ZNF608: variants seen among roughly 807,000 people sequenced by gnomAD.
ZNF608 encodes the protein renal carcinoma antigen NY-REN-36.
A neutral mutation model predicts 109.0 loss-of-function variants in ZNF608; 12 were observed. That is an observed-to-expected ratio of 0.11 (90% CI 0.07 to 0.18). The LOEUF (loss-of-function observed/expected upper bound fraction) is 0.18, where lower values mean the gene tolerates loss of function less well. ZNF608 is among the 10% of genes least tolerant of loss of function. ZNF608 has a pLI of 1.00. For missense variants in ZNF608, 1,707 were observed against 1,879.3 expected (o/e 0.91, Z 1.70); for synonymous variants, 732 against 717.4 (o/e 1.02, Z -0.33).
chr5:124,718,310 TA>T (rs950908289), intron 2 of ZNF608, among the ~76,000 whole-genome samples: 2 of 152,246 alleles, frequency 1.3e-5, no homozygotes, highest in African/African-American at 4.8e-5. Context: ...AAAAGTCTAA[TA>T]TTTTGTCAAA....
intron 3 of ZNF608, among the ~76,000 whole-genome samples, chr5:124,670,318 C>T (rs1023414102): frequency 5.3e-5 from 8 of 151,172 alleles, no homozygotes; most frequent in African/African-American, 2.0e-4. Flanking sequence ...ACAAGTGCAG[C>T]TATCCTTTTT....
chr5:124,685,775 C>T (rs1452791238), intron 3 of ZNF608, among the ~76,000 whole-genome samples: 2 of 152,154 alleles, frequency 1.3e-5, no homozygotes, highest in South Asian at 2.1e-4. Context: ...CAACTAGATC[C>T]CTCCCAAGCC....
chr5:124,705,974 G>C (rs1753243505), intron 2 of ZNF608, among the ~76,000 whole-genome samples: 1 of 152,204 alleles, frequency 6.6e-6, no homozygotes, highest in Admixed American at 6.5e-5. Flanking sequence ...AACAAGAGTG[G>C]CCCAAACAGA....
In ZNF608 at chr5:124,674,639, C is replaced by T. The variant is rs142399761; in HGVS notation, c.1163-24942G>A. On this transcript the variant is annotated intron_variant, in intron 3 of 9. Transcript: ENST00000513986. The stretch of plus-strand genomic sequence containing the variant: ...TGTTTGTTTTGCTTTGAGACAGAGT[C>T]TCCCTCTATCACCCAGTGTGGAGTG... Among the ~76,000 whole-genome samples, 640 of 152,238 alleles carry T rather than the reference C, an allele frequency of 4.2e-3. 3 individuals are homozygous for T. The highest frequency in any genetic ancestry group is 0.014 in the African/African-American group (577 of 41,538).
intron 7 of ZNF608, among the ~76,000 whole-genome samples, chr5:124,642,711 T>C (rs1750300550): frequency 6.9e-6 from 1 of 145,922 alleles, no homozygotes; most frequent in Non-Finnish European, 1.5e-5. Flanking sequence ...TTTTTTTTTT[T>C]TTTTTGAGAC....
At chr5:124,721,316 T>C (rs1753891514) in intron 2 of ZNF608, among the ~76,000 whole-genome samples, 1 of 152,160 alleles carries the variant, frequency 6.6e-6, no homozygotes, top group African/African-American at 2.4e-5. Context: ...TCTTTTTTCC[T>C]CTGTAACCCT....
chr5:124,688,314 C>G (rs986919503), intron 3 of ZNF608, among the ~76,000 whole-genome samples: 1 of 152,072 alleles, frequency 6.6e-6, no homozygotes, highest in African/African-American at 2.4e-5. Context: ...CGTGTGGTCT[C>G]TTGGGAGCAT....
Position 124,746,512 on chromosome 5 carries a change from T to C in ZNF608, c.-501A>G. The C allele has an allele frequency of 1.0e-6, 1 of 985,312 alleles. No homozygotes were observed. The highest frequency in any genetic ancestry group is 1.2e-6 in the Non-Finnish European group (1 of 829,906). 61.0% of individuals were successfully genotyped at this position (985,312 alleles called of 1,614,324 possible). ...TAACAAGCATCGAGAATAATAGTTT[T>C]TTAAAAAACAGAGAGTTTAGAGAAA... On this transcript the variant is annotated 5_prime_UTR_variant, in exon 1 of 10. Transcript: ENST00000513986.
intron 2 of ZNF608, among the ~76,000 whole-genome samples, chr5:124,708,942 C>T (rs568099024): frequency 5.9e-5 from 9 of 152,156 alleles, no homozygotes; most frequent in South Asian, 2.1e-4. Flanking sequence ...GAGGCCAAGG[C>T]GGGTAGATCA....
At chr5:124,674,830 G>A (rs1287267589) in intron 3 of ZNF608, among the ~76,000 whole-genome samples, 1 of 152,024 alleles carries the variant, frequency 6.6e-6, no homozygotes, top group East Asian at 1.9e-4. Context: ...GACAAGGTTG[G>A]TCTTGAACTC....
At chr5:124,672,300 T>G (rs950781651) in intron 3 of ZNF608, among the ~76,000 whole-genome samples, 1 of 152,060 alleles carries the variant, frequency 6.6e-6, no homozygotes, top group East Asian at 1.9e-4. Flanking sequence ...TTGATCTGGA[T>G]CCCAAAGGCC....
At chr5:124,651,997 G>C (rs375626312) in intron 3 of ZNF608, among the ~76,000 whole-genome samples, 1 of 151,826 alleles carries the variant, frequency 6.6e-6, no homozygotes, top group Non-Finnish European at 1.5e-5. Flanking sequence ...CGCTCCCCGC[G>C]CCACGCGGCT....
upstream of ZNF608, chr5:124,748,715 G>A: frequency 2.5e-6 from 1 of 405,218 alleles, no homozygotes; most frequent in Non-Finnish European, 3.3e-6. Context: ...TTTAAAAAAA[G>A]CAAAACAAAA....
intron 2 of ZNF608, among the ~76,000 whole-genome samples, chr5:124,738,602 T>C (rs754070356): frequency 9.2e-5 from 14 of 152,216 alleles, no homozygotes; most frequent in East Asian, 1.9e-4. Flanking sequence ...TTAAACTGCA[T>C]TGAAACTCAA....
intron 5 of ZNF608, among the ~76,000 whole-genome samples, chr5:124,645,403 A>T (rs933558383): frequency 2.0e-5 from 3 of 152,116 alleles, no homozygotes; most frequent in African/African-American, 4.8e-5. Flanking sequence ...GAGAATCCTA[A>T]ATGGCCTTTG....
chr5:124,638,721 TA>T, intron 9 of ZNF608: 1 of 445,252 alleles, frequency 2.2e-6, no homozygotes, highest in South Asian at 4.6e-5. Context: ...TTAATTCCTT[TA>T]AATCATTTTC....
In ZNF608 at chr5:124,643,587, G is replaced by A. The variant is rs558982486; in HGVS notation, c.4220C>T (p.Thr1407Met). 99 of 1,614,168 alleles carry A rather than the reference G, an allele frequency of 6.1e-5. 1 individual carries two copies. In the South Asian group the frequency reaches 9.3e-4, roughly 15 times the overall value. The stretch of plus-strand genomic sequence containing the variant: ...TGCTTTAGATTCAGTGGTTGTTTTC[G>A]TGTTGACGCTAGGGCTGGTATTGAC... Reference protein sequence around the residue: ...EKVNTSPSVNTKTTTESKALD... With the variant: ...EKVNTSPSVNMKTTTESKALD... The change falls in exon 7 of 10, where the codon ACG becomes ATG. Residue 1407 changes from threonine (T) to methionine (M), a missense_variant. Around this residue, in one of 7 missense-constraint regions of ZNF608, gnomAD observed 1,073 missense variants for 1,133.5 expected, o/e 0.95. Transcript: ENST00000513986.
intron 3 of ZNF608, among the ~76,000 whole-genome samples, chr5:124,678,996 A>T (rs951846572): frequency 3.9e-5 from 6 of 152,178 alleles, no homozygotes; most frequent in African/African-American, 1.4e-4. Flanking sequence ...GCAAGAAAAC[A>T]ATTCCACTGT....
At position 124,643,058 on chromosome 5, in the gene ZNF608, T is replaced by C. The variant is rs543291092; in HGVS notation, c.4296+453A>G. Reference sequence around the variant, plus strand: ...ACTTGCATGTAAAATGTCTGATTTTTAAAAGGTATCCTGCAAGAAAACATT... The same window carrying C: ...ACTTGCATGTAAAATGTCTGATTTTCAAAAGGTATCCTGCAAGAAAACATT... On this transcript the variant is annotated intron_variant, in intron 7 of 9. Coordinates refer to ENST00000513986, the MANE Select transcript of ZNF608 (RefSeq NM_020747.3). Among the ~76,000 whole-genome samples the C allele has an allele frequency of 1.5e-4, 23 of 152,318 alleles. No homozygotes were observed. The East Asian group carries it at 4.2e-3, about 28-fold the overall frequency.
Sources: allele counts gnomAD v4.1 joint callset (sites outside exome capture counted in the v4.1 genomes callset), GRCh38; gene constraint gnomAD v4.1.1; regional missense constraint gnomAD v4.1.1; transcripts MANE v1.5; gene names NCBI Gene and HGNC (gene_info 2026-07-23, HGNC 2026-07-21).